Variants in UBXN7 observed in about 807,000 individuals in gnomAD.
UBXN7 encodes the protein UBX domain protein 7.
A neutral mutation model predicts 58.0 loss-of-function variants in UBXN7; 9 were observed. The observed-to-expected ratio is 0.16, with a 90% CI of 0.09 to 0.27. UBXN7 has a LOEUF of 0.27. UBXN7 is among the 10% of genes least tolerant of loss of function. UBXN7 has a pLI of 1.00. For missense variants in UBXN7, 328 were observed against 599.6 expected, an observed-to-expected ratio of 0.55 and a Z score of 4.73; for synonymous variants, 208 against 205.0, an observed-to-expected ratio of 1.01 and a Z score of -0.12.
chr3:196,392,967 C>T (rs1171112499), intron 4 of UBXN7, among the ~76,000 whole-genome samples: 1 of 152,168 alleles, frequency 6.6e-6, no homozygotes, highest in Admixed American at 6.5e-5. Context: ...CCTCAATGAA[C>T]TCATTCTAAA....
intron 2 of UBXN7, 56 bp downstream of exon 2, chr3:196,407,190 G>T: frequency 3.8e-6 from 6 of 1,569,098 alleles, no homozygotes; most frequent in Non-Finnish European, 5.2e-6. Context: ...TGATAAAAAT[G>T]CAACTACTTA....
Position 196,407,288 on chromosome 3 carries a change from C to A in UBXN7, c.179G>T (p.Ser60Ile). 2 of 1,614,178 alleles carry A rather than the reference C, an allele frequency of 1.2e-6. No individual in the cohort carries two copies. Among genetic ancestry groups the A allele is most frequent in the Non-Finnish European group, 1.7e-6 (2 of 1,180,032 alleles). Reference sequence around the variant, plus strand: ...AGTAGAGACACTTGCTGAACTGGTACTGGGCTCTTCAGCGATTCCTCCACC... The same window carrying A: ...AGTAGAGACACTTGCTGAACTGGTAATGGGCTCTTCAGCGATTCCTCCACC... ...LDGGGIAEEP[S>I]TSSASVSTVR... The change falls in exon 2 of 11, where the codon AGT becomes ATT. Residue 60 changes from serine (S) to isoleucine (I), a missense_variant. Physicochemically the swap from Ser to Ile is moderately radical, Grantham distance 142. Around this residue, in one of 4 missense-constraint regions of UBXN7, gnomAD observed 106 missense variants for 124.3 expected, o/e 0.85. Transcript: ENST00000296328.
chr3:196,382,989 G>A lies in UBXN7; in HGVS notation c.468+8824C>T, dbSNP rs183578069. Among the ~76,000 whole-genome samples, 602 of 151,950 alleles carry A rather than the reference G, an allele frequency of 4.0e-3. 20 individuals carry two copies. In the South Asian group the frequency reaches 0.075, roughly 19 times the overall value. ...AAATTAGCTGGGCGTGGTGGCAGGC[G>A]CCTATAGTCCCAGCTACTCGAGAGG... On this transcript the variant is annotated intron_variant, in intron 5 of 10. Transcript: ENST00000296328.
intron 3 of UBXN7, among the ~76,000 whole-genome samples, chr3:196,401,274 A>AATATATATATATAT (rs780788392): frequency 2.7e-4 from 10 of 36,878 alleles, no homozygotes; most frequent in Admixed American, 5.1e-4. Flanking sequence ...AAAAAAAAAA[A>AATATATATATATAT]ATATATATAT....
chr3:196,369,655 T>A (rs1039417791), intron 6 of UBXN7, 144 bp from the exon 7 acceptor site: 6 of 601,266 alleles, frequency 1.0e-5, no homozygotes, highest in Non-Finnish European at 1.4e-5. Flanking sequence ...AAAAAGAAAA[T>A]AAATCTGGTT....
At chr3:196,417,118 C>T (rs890780749) in intron 1 of UBXN7, among the ~76,000 whole-genome samples, 2 of 152,066 alleles carry the variant, frequency 1.3e-5, no homozygotes, top group Non-Finnish European at 2.9e-5. Flanking sequence ...TCGAGACCAT[C>T]CTGGCTAACA....
chr3:196,378,747 G>A (rs948952869), intron 5 of UBXN7, among the ~76,000 whole-genome samples: 23 of 152,066 alleles, frequency 1.5e-4, no homozygotes, highest in African/African-American at 5.3e-4. Context: ...GTTGGTTTTG[G>A]GGGATTTTAG....
At chr3:196,418,857 T>TA (rs1330621955) in intron 1 of UBXN7, among the ~76,000 whole-genome samples, 2 of 152,190 alleles carry the variant, frequency 1.3e-5, no homozygotes, top group Non-Finnish European at 2.9e-5. Context: ...GGTCCAGAGT[T>TA]AGAGGATAGG....
In UBXN7 at chr3:196,391,894, T is replaced by C; in HGVS notation, c.387A>G (p.Gly129=). 6.2e-7 allele frequency: 1 copy of C among 1,605,320 alleles called. No individual in the cohort carries two copies. Among genetic ancestry groups the C allele is most frequent in the Non-Finnish European group, 8.5e-7 (1 of 1,175,870 alleles). The change falls in exon 5 of 11, where the codon GGA becomes GGG. Residue 129 remains glycine, a synonymous_variant. Coordinates refer to ENST00000296328, the MANE Select transcript of UBXN7 (RefSeq NM_015562.2). ...IRQEQELRNG[G]AIDKKLTTLA... ...GGGTAGTTAATTTCTTATCGATAGC[T>C]CCTCCATTTCTTAATTCTTGTTCTT...
chr3:196,404,381 G>C (rs1010522891), intron 2 of UBXN7, among the ~76,000 whole-genome samples: 2 of 150,498 alleles, frequency 1.3e-5, no homozygotes, highest in African/African-American at 4.9e-5. Context: ...TCCTGACTCA[G>C]CCTCCCAAGG....
chr3:196,426,645 T>G (rs1730858733), intron 1 of UBXN7, among the ~76,000 whole-genome samples: 1 of 151,952 alleles, frequency 6.6e-6, no homozygotes, highest in Non-Finnish European at 1.5e-5. Context: ...GGTCGGGAGT[T>G]CGAGACCAGC....
chr3:196,412,304 A>G (rs1474733775), intron 1 of UBXN7, among the ~76,000 whole-genome samples: 1 of 152,094 alleles, frequency 6.6e-6, no homozygotes, highest in East Asian at 1.9e-4. Context: ...AAATCAATAA[A>G]TATTACCAAA....
At chr3:196,380,933 C>T (rs1052610158) in intron 5 of UBXN7, among the ~76,000 whole-genome samples, 1 of 152,236 alleles carries the variant, frequency 6.6e-6, no homozygotes, top group Non-Finnish European at 1.5e-5. Context: ...GAGGGAGGGG[C>T]GTCCGCCATT....
chr3:196,423,825 T>C (rs1042015734), intron 1 of UBXN7, among the ~76,000 whole-genome samples: 8 of 152,110 alleles, frequency 5.3e-5, no homozygotes, highest in African/African-American at 9.7e-5. Context: ...TTGAAGCTAA[T>C]TGTGTTAGCT....
intron 3 of UBXN7, among the ~76,000 whole-genome samples, chr3:196,395,995 ACCT>A (rs1156604423): frequency 6.6e-6 from 1 of 151,998 alleles, no homozygotes; most frequent in Non-Finnish European, 1.5e-5. Flanking sequence ...CAAACTCCTG[ACCT>A]CAAGTGATCC....
intron 8 of UBXN7, among the ~76,000 whole-genome samples, chr3:196,364,592 A>G (rs1304747041): frequency 6.6e-6 from 1 of 151,996 alleles, no homozygotes; most frequent in Non-Finnish European, 1.5e-5. Flanking sequence ...AAATAGGTAA[A>G]AAAAAAAAGT....
chr3:196,360,386 C>G (rs529895539), intron 10 of UBXN7, among the ~76,000 whole-genome samples: 1 of 152,316 alleles, frequency 6.6e-6, no homozygotes, highest in East Asian at 1.9e-4. Flanking sequence ...GGGGGTAATG[C>G]AGCTGGTGAC....
At chr3:196,378,119 A>G (rs1729088647) in intron 5 of UBXN7, among the ~76,000 whole-genome samples, 1 of 152,188 alleles carries the variant, frequency 6.6e-6, no homozygotes, top group East Asian at 1.9e-4. Context: ...ATTTGTTTAT[A>G]GTCTGTTTCT....
At chr3:196,366,832 C>T (rs1355130351) in intron 8 of UBXN7, among the ~76,000 whole-genome samples, 4 of 151,954 alleles carry the variant, frequency 2.6e-5, no homozygotes, top group Non-Finnish European at 5.9e-5. Flanking sequence ...GAGGCTGTAG[C>T]GAGCCATGAT....
Sources: gnomAD v4.1 joint callset for allele counts (sites outside exome capture counted in the v4.1 genomes callset) on GRCh38, gnomAD v4.1.1 for gene constraint, gnomAD v4.1.1 regional missense constraint, MANE v1.5 for transcripts, NCBI Gene and HGNC (gene_info 2026-07-23, HGNC 2026-07-21) for gene names.